The following CCDC85A variants were observed in gnomAD, a reference collection of about 807,000 sequenced individuals.
CCDC85A encodes coiled-coil domain containing 85A.
Under a neutral mutation model 50.2 loss-of-function variants are expected in CCDC85A, and 38 were observed. That is an observed-to-expected ratio of 0.76 (90% CI 0.58 to 0.99). The LOEUF (loss-of-function observed/expected upper bound fraction) is 0.99, where lower values mean the gene tolerates loss of function less well. Ranked by LOEUF, CCDC85A falls within the 50% of genes least tolerant of loss-of-function variation. The pLI is 0.00. For synonymous variants in CCDC85A, 366 were observed against 301.4 expected (o/e 1.21, Z -2.22); for missense variants, 820 against 742.0 (o/e 1.11, Z -1.22).
intron 2 of CCDC85A, among the ~76,000 whole-genome samples, chr2:56,211,737 A>G (rs1239449700): frequency 1.3e-5 from 2 of 151,842 alleles, no homozygotes; most frequent in Non-Finnish European, 2.9e-5. Context: ...TTTCCAAAAT[A>G]CTCCTTCTAT....
rs189063006 is a variant in CCDC85A at position 56,215,747 on chromosome 2, T to A, written c.1240+22307T>A. Among the ~76,000 whole-genome samples the A allele has an allele frequency of 3.0e-3, 455 of 151,966 alleles. 5 individuals are homozygous for A. The highest frequency in any genetic ancestry group is 0.01 in the African/African-American group (430 of 41,502). On this transcript the variant is annotated intron_variant, in intron 2 of 5. Transcript: ENST00000407595. Reference sequence around the variant, plus strand: ...AGGTACATTAATCTTGAGCAGATAGTTGTGCTTTGTATATTTTTGTATTGC... The same window carrying A: ...AGGTACATTAATCTTGAGCAGATAGATGTGCTTTGTATATTTTTGTATTGC...
chr2:56,242,181 A>AT (rs1427580683), intron 2 of CCDC85A, among the ~76,000 whole-genome samples: 2 of 151,906 alleles, frequency 1.3e-5, no homozygotes, highest in East Asian at 1.9e-4. Flanking sequence ...GGATTATTAC[A>AT]TTTTTTCCCT....
At chr2:56,380,949 T>C (rs1676556501) in intron 5 of CCDC85A, among the ~76,000 whole-genome samples, 1 of 152,138 alleles carries the variant, frequency 6.6e-6, no homozygotes, top group Non-Finnish European at 1.5e-5. Flanking sequence ...GAAAATTGCT[T>C]AGAAATACCC....
Position 56,334,078 on chromosome 2 carries a change from C to T in CCDC85A, c.1241-8801C>T, listed in dbSNP as rs114250213. Among the ~76,000 whole-genome samples, 1,014 of 152,336 alleles carry T rather than the reference C, an allele frequency of 6.7e-3. 8 individuals are homozygous for T. The highest frequency in any genetic ancestry group is 0.023 in the African/African-American group (952 of 41,574). ...ATCTTAGTTCTCTGAGAGCTCTTCC[C>T]TGACACTGCTTCCTGAAGTAGCTGT... is the stretch of plus-strand genomic sequence containing the variant. On this transcript the variant is annotated intron_variant, in intron 2 of 5. Coordinates refer to ENST00000407595, the MANE Select transcript of CCDC85A (RefSeq NM_001080433.2).
intron 2 of CCDC85A, among the ~76,000 whole-genome samples, chr2:56,312,347 C>G (rs1672735349): frequency 1.3e-5 from 2 of 151,958 alleles, no homozygotes; most frequent in Non-Finnish European, 2.9e-5. Flanking sequence ...GCTAAAAATG[C>G]AAGAAATCAT....
In CCDC85A at chr2:56,339,744, G is replaced by GT. The variant is rs1260987104; in HGVS notation, c.1241-3125dup. ...TTCACTTGGATGGCCTTATCAAGTG[G>GT]TTTTTTTTTTCCAGAGGAAAGAGCA... is the stretch of plus-strand genomic sequence containing the variant. On this transcript the variant is annotated intron_variant, in intron 2 of 5. Transcript: ENST00000407595. Among the ~76,000 whole-genome samples, 738 of 150,082 alleles carry GT rather than the reference G, an allele frequency of 4.9e-3. 4 individuals carry two copies. Among genetic ancestry groups the GT allele is most frequent in the African/African-American group, 8.7e-3 (355 of 40,978 alleles).
chr2:56,193,598 G>A (rs751866050), intron 2 of CCDC85A, among the ~76,000 whole-genome samples, 158 bp downstream of exon 2: 1 of 152,144 alleles, frequency 6.6e-6, no homozygotes, highest in Non-Finnish European at 1.5e-5. Flanking sequence ...ATGATATGGG[G>A]TTCTTCTCCT....
chr2:56,293,658 A>G (rs1040265153), intron 2 of CCDC85A, among the ~76,000 whole-genome samples: 2 of 152,236 alleles, frequency 1.3e-5, no homozygotes, highest in African/African-American at 4.8e-5. Flanking sequence ...ATGAACAGAC[A>G]CTTCTCAAAA....
intron 2 of CCDC85A, among the ~76,000 whole-genome samples, chr2:56,276,699 T>C (rs1228646581): frequency 2.0e-5 from 3 of 152,246 alleles, no homozygotes; most frequent in African/African-American, 7.2e-5. Flanking sequence ...CTCTGATATG[T>C]CTTTGTCAGC....
intron 2 of CCDC85A, among the ~76,000 whole-genome samples, chr2:56,269,256 A>G (rs1268115453): frequency 6.6e-6 from 1 of 152,016 alleles, no homozygotes; most frequent in Non-Finnish European, 1.5e-5. Context: ...GTCATTCCCA[A>G]TTAAATGTAC....
chr2:56,330,441 C>CAG (rs1456216384), intron 2 of CCDC85A, among the ~76,000 whole-genome samples: 2 of 152,194 alleles, frequency 1.3e-5, no homozygotes, highest in Non-Finnish European at 2.9e-5. Flanking sequence ...TGAATAATTG[C>CAG]TTCAAACTGT....
At chr2:56,282,579 G>A (rs1025608876) in intron 2 of CCDC85A, among the ~76,000 whole-genome samples, 2 of 152,128 alleles carry the variant, frequency 1.3e-5, no homozygotes, top group Non-Finnish European at 2.9e-5. Flanking sequence ...GCGCGATCTC[G>A]GCTCACCGCA....
chr2:56,375,562 G>GCTTA (rs1156608338), intron 4 of CCDC85A, among the ~76,000 whole-genome samples: 1 of 152,108 alleles, frequency 6.6e-6, no homozygotes, highest in Non-Finnish European at 1.5e-5. Context: ...ATGTGTTTAA[G>GCTTA]GGCCATTCCT....
intron 5 of CCDC85A, among the ~76,000 whole-genome samples, chr2:56,380,625 T>TAAAA (rs149570361): frequency 1.3e-5 from 2 of 148,382 alleles, no homozygotes; most frequent in Admixed American, 6.6e-5. Flanking sequence ...GAGACCACAG[T>TAAAA]AAAAAAATAA....
chr2:56,371,820 A>AT (rs1676089147), intron 3 of CCDC85A, among the ~76,000 whole-genome samples: 2 of 152,158 alleles, frequency 1.3e-5, no homozygotes, highest in Admixed American at 1.3e-4. Flanking sequence ...CTTTTAGCTC[A>AT]TTACATTCTC....
At chr2:56,220,424 T>G (rs1668276290) in intron 2 of CCDC85A, among the ~76,000 whole-genome samples, 1 of 151,992 alleles carries the variant, frequency 6.6e-6, no homozygotes, top group Non-Finnish European at 1.5e-5. Flanking sequence ...ATGTGATTAT[T>G]TATAGAAATT....
chr2:56,375,264 G>T (rs989310281), intron 4 of CCDC85A, among the ~76,000 whole-genome samples: 4 of 152,138 alleles, frequency 2.6e-5, no homozygotes, highest in Non-Finnish European at 4.4e-5. Context: ...TATCTATTCT[G>T]TTTTTCATCT....
At chr2:56,217,546 G>T (rs921872351) in intron 2 of CCDC85A, among the ~76,000 whole-genome samples, 2 of 151,828 alleles carry the variant, frequency 1.3e-5, no homozygotes, top group African/African-American at 4.8e-5. Context: ...TGAATGTTGT[G>T]TTAGGAAGAC....
At chr2:56,335,545 C>A (rs1283888369) in intron 2 of CCDC85A, among the ~76,000 whole-genome samples, 1 of 151,834 alleles carries the variant, frequency 6.6e-6, no homozygotes, top group Non-Finnish European at 1.5e-5. Context: ...TCAGTAAGGG[C>A]CTTCTTGGTA....
Sources: allele counts gnomAD v4.1 joint callset (sites outside exome capture counted in the v4.1 genomes callset), GRCh38; gene constraint gnomAD v4.1.1; transcripts MANE v1.5; gene names NCBI Gene and HGNC (gene_info 2026-07-23, HGNC 2026-07-21).